CNTNAP5: variants seen among roughly 807,000 people sequenced by gnomAD.
The protein encoded by CNTNAP5 is contactin-associated protein-like 5.
CNTNAP5 carries 72 observed loss-of-function variants against 150.2 expected under a neutral mutation model. That is an observed-to-expected ratio of 0.48 (90% CI 0.40 to 0.58). The LOEUF (loss-of-function observed/expected upper bound fraction) is 0.58, where lower values mean the gene tolerates loss of function less well. Among genes scored for constraint, CNTNAP5 ranks in the 20% least tolerant of loss-of-function variants. The probability of loss-of-function intolerance (pLI) is 0.00; values close to 1 mark genes in which losing one functional copy is unlikely to be tolerated. For missense variants in CNTNAP5, 1,636 were observed against 1,626.2 expected (o/e 1.01, Z -0.10); for synonymous variants, 672 against 619.8 (o/e 1.08, Z -1.25).
At chr2:124,601,205 G>T (rs938644742) in intron 11 of CNTNAP5, among the ~76,000 whole-genome samples, 5 of 152,096 alleles carry the variant, frequency 3.3e-5, no homozygotes, top group Admixed American at 3.3e-4. Flanking sequence ...ATGGGGTAAG[G>T]TATGAAAACA....
chr2:124,287,110 A>G (rs1427020969), intron 3 of CNTNAP5, among the ~76,000 whole-genome samples: 1 of 152,204 alleles, frequency 6.6e-6, no homozygotes, highest in Non-Finnish European at 1.5e-5. Context: ...GGTCAATAGC[A>G]TATCTTGATA....
intron 3 of CNTNAP5, among the ~76,000 whole-genome samples, chr2:124,327,101 C>T (rs1004423000): frequency 1.3e-5 from 2 of 151,352 alleles, no homozygotes; most frequent in Non-Finnish European, 2.9e-5. Context: ...CTGCCTCAGC[C>T]TCCCAAGTAG....
In CNTNAP5 at chr2:124,523,328, A is replaced by C. The variant is rs570674190; in HGVS notation, c.1328-975A>C. Among the ~76,000 whole-genome samples the C allele has an allele frequency of 2.0e-5, 3 of 152,318 alleles. No homozygotes were observed. In the South Asian group the frequency reaches 6.2e-4, roughly 32 times the overall value. On this transcript the variant is annotated intron_variant, in intron 8 of 23. Transcript: ENST00000682447. ...ACTCAACATGTAACAGGGCACAATAAATGACTATTTACAATTTAGAATTGT... is the reference window on the plus strand; with the variant it reads ...ACTCAACATGTAACAGGGCACAATACATGACTATTTACAATTTAGAATTGT...
At chr2:124,629,996 A>G (rs1391461678) in intron 12 of CNTNAP5, among the ~76,000 whole-genome samples, 2 of 150,248 alleles carry the variant, frequency 1.3e-5, no homozygotes, top group African/African-American at 4.9e-5. Context: ...CTGGACACAT[A>G]CAACCTCCCA....
intron 3 of CNTNAP5, among the ~76,000 whole-genome samples, chr2:124,279,885 A>G (rs1687971146): frequency 6.6e-6 from 1 of 152,058 alleles, no homozygotes; most frequent in Non-Finnish European, 1.5e-5. Flanking sequence ...CAGTCCCTAC[A>G]TATACATATT....
intron 1 of CNTNAP5, among the ~76,000 whole-genome samples, chr2:124,183,972 C>A (rs987123552): frequency 3.3e-5 from 5 of 152,090 alleles, no homozygotes; most frequent in Non-Finnish European, 5.9e-5. Flanking sequence ...GATAAATGCC[C>A]AGAATTTTAT....
In CNTNAP5 at chr2:124,541,179, A is replaced by ATTTTTTTTTTTTTTTTTTTTTTTTT. The variant is rs3980963; in HGVS notation, c.1649+13740_1649+13741insTTTTTTTTTTTTTTTTTTTTTTTTT. ...AGAGGATAAGAAGTACAAAATTCCG[A>ATTTTTTTTTTTTTTTTTTTTTTTTT]TTTTTTTTTTTTTTTTTGGTGAGAA... On this transcript the variant is annotated intron_variant, in intron 10 of 23. Transcript: ENST00000682447. Among the ~76,000 whole-genome samples, 311 of 83,002 alleles carry ATTTTTTTTTTTTTTTTTTTTTTTTT rather than the reference A, an allele frequency of 3.7e-3. 35 individuals are homozygous for ATTTTTTTTTTTTTTTTTTTTTTTTT. Among genetic ancestry groups the ATTTTTTTTTTTTTTTTTTTTTTTTT allele is most frequent in the Non-Finnish European group, 5.4e-3 (235 of 43,628 alleles). 54.5% of individuals were successfully genotyped at this position (83,002 alleles called of 152,430 possible).
intron 3 of CNTNAP5, among the ~76,000 whole-genome samples, chr2:124,363,398 T>A (rs935489222): frequency 1.3e-5 from 2 of 152,132 alleles, no homozygotes; most frequent in Non-Finnish European, 2.9e-5. Context: ...CTTCTTAACA[T>A]CTCCCTGTGT....
chr2:124,411,422 C>T lies in CNTNAP5; in HGVS notation c.382-6021C>T, dbSNP rs186821107. Reference sequence around the variant, plus strand: ...ATACCAAAGCCAGGCAGAGACACAACCAAAAAAGAGAATTTTAGACCAATA... The same window carrying T: ...ATACCAAAGCCAGGCAGAGACACAATCAAAAAAGAGAATTTTAGACCAATA... On this transcript the variant is annotated intron_variant, in intron 3 of 23. Coordinates refer to ENST00000682447, the MANE Select transcript of CNTNAP5 (RefSeq NM_001367498.1). Among the ~76,000 whole-genome samples the T allele has an allele frequency of 4.8e-3, 723 of 151,740 alleles. 10 individuals are homozygous for T. The highest frequency in any genetic ancestry group is 0.015 in the African/African-American group (633 of 41,354).
At chr2:124,359,232 T>G (rs1470922761) in intron 3 of CNTNAP5, among the ~76,000 whole-genome samples, 3 of 151,686 alleles carry the variant, frequency 2.0e-5, no homozygotes, top group African/African-American at 7.3e-5. Flanking sequence ...TCTATCAATT[T>G]TGTTGATCCT....
chr2:124,875,687 G>A (rs909048508), intron 21 of CNTNAP5, among the ~76,000 whole-genome samples: 11 of 144,714 alleles, frequency 7.6e-5, no homozygotes, highest in African/African-American at 2.5e-4. Context: ...ACGTAAAAGA[G>A]AACCATGAGG....
At position 124,646,746 on chromosome 2, in the gene CNTNAP5, G is replaced by A. The variant is rs114673926; in HGVS notation, c.1877-1012G>A. On this transcript the variant is annotated intron_variant, in intron 12 of 23. Transcript: ENST00000682447. Reference sequence around the variant, plus strand: ...TTTTCCATATTACCAGTGCTACCAGGGTATTGCTCTCTTGTTTTTGTTGCA... The same window carrying A: ...TTTTCCATATTACCAGTGCTACCAGAGTATTGCTCTCTTGTTTTTGTTGCA... Among the ~76,000 whole-genome samples the A allele has an allele frequency of 3.2e-3, 486 of 152,186 alleles. 2 individuals are homozygous for A. Among genetic ancestry groups the A allele is most frequent in the African/African-American group, 0.011 (472 of 41,522 alleles).
intron 8 of CNTNAP5, among the ~76,000 whole-genome samples, chr2:124,511,329 G>A (rs999142421): frequency 2.5e-4 from 38 of 152,082 alleles, no homozygotes; most frequent in African/African-American, 5.6e-4. Flanking sequence ...TTATTTTTCC[G>A]ATGGGAAAAT....
At chr2:124,678,192 T>C (rs1417793271) in intron 13 of CNTNAP5, among the ~76,000 whole-genome samples, 1 of 151,844 alleles carries the variant, frequency 6.6e-6, no homozygotes, top group Non-Finnish European at 1.5e-5. Context: ...AATGATGACA[T>C]TGTTCATGAC....
intron 13 of CNTNAP5, among the ~76,000 whole-genome samples, chr2:124,741,615 C>T (rs980350516): frequency 9.2e-5 from 14 of 152,038 alleles, no homozygotes; most frequent in African/African-American, 3.4e-4. Context: ...GTCTTTGAAC[C>T]ATTTCTCTGC....
At chr2:124,550,299 G>A (rs1695598635) in intron 10 of CNTNAP5, among the ~76,000 whole-genome samples, 1 of 152,180 alleles carries the variant, frequency 6.6e-6, no homozygotes, top group Non-Finnish European at 1.5e-5. Context: ...CTCTACTGAA[G>A]TGCAGAACTT....
chr2:124,641,681 C>T (rs551822542), intron 12 of CNTNAP5, among the ~76,000 whole-genome samples: 1 of 152,244 alleles, frequency 6.6e-6, no homozygotes, highest in East Asian at 1.9e-4. Context: ...TGCTCTATTA[C>T]AATAGGAGTA....
At chr2:124,171,233 T>C (rs1684925453) in intron 1 of CNTNAP5, among the ~76,000 whole-genome samples, 1 of 152,210 alleles carries the variant, frequency 6.6e-6, no homozygotes, top group South Asian at 2.1e-4. Flanking sequence ...CTCTGTTCAC[T>C]GGCCGGAAGC....
chr2:124,718,900 A>G (rs930111165), intron 13 of CNTNAP5, among the ~76,000 whole-genome samples: 6 of 149,906 alleles, frequency 4.0e-5, no homozygotes, highest in African/African-American at 1.5e-4. Flanking sequence ...AGCCGGGATT[A>G]TGCCACTGCA....
Sources: allele counts gnomAD v4.1 joint callset (sites outside exome capture counted in the v4.1 genomes callset), GRCh38; gene constraint gnomAD v4.1.1; transcripts MANE v1.5; gene names NCBI Gene and HGNC (gene_info 2026-07-23, HGNC 2026-07-21).